Variants in ADAMTSL3 observed in about 807,000 individuals in gnomAD.
ADAMTSL3 encodes ADAMTS like 3, also known as ADAMTS-like protein 3.
In ADAMTSL3, 128 loss-of-function variants were observed where a neutral mutation model predicts 201.7. That is an observed-to-expected ratio of 0.63 (90% CI 0.55 to 0.73). ADAMTSL3 has a LOEUF of 0.73. Ranked by LOEUF, ADAMTSL3 falls within the 30% of genes least tolerant of loss-of-function variation. The probability of loss-of-function intolerance (pLI) is 0.00; values close to 1 mark genes in which losing one functional copy is unlikely to be tolerated. For missense variants in ADAMTSL3, 1,990 were observed against 2,119.6 expected (o/e 0.94, Z 1.20); for synonymous variants, 738 against 748.4 (o/e 0.99, Z 0.23).
chr15:83,775,343 C>CTT (rs200018009), intron 4 of ADAMTSL3, among the ~76,000 whole-genome samples: 3 of 142,994 alleles, frequency 2.1e-5, no homozygotes, highest in African/African-American at 7.7e-5. Context: ...TTGCATTGGT[C>CTT]TTTTTTTTTT....
chr15:84,018,831 T>A (rs1269775412), intron 25 of ADAMTSL3, among the ~76,000 whole-genome samples: 1 of 152,108 alleles, frequency 6.6e-6, no homozygotes, highest in Non-Finnish European at 1.5e-5. Context: ...TATGGCATGA[T>A]CTGCTTTTCA....
In ADAMTSL3 at chr15:83,963,414, C is replaced by T. The variant is rs142634525; in HGVS notation, c.2491-7070C>T. ...TGGGAAGTTCAAACTGGGTGGAGCCCACCACAGCTTGGCAAAGCCACTGTA... is the reference window on the plus strand; with the variant it reads ...TGGGAAGTTCAAACTGGGTGGAGCCTACCACAGCTTGGCAAAGCCACTGTA... On this transcript the variant is annotated intron_variant, in intron 19 of 29. Coordinates refer to ENST00000286744, the MANE Select transcript of ADAMTSL3 (RefSeq NM_207517.3). 2.1e-4 allele frequency among the ~76,000 whole-genome samples: 32 copies of T among 152,276 alleles called. No individual in the cohort carries two copies. The East Asian group carries it at 6.0e-3, about 28-fold the overall frequency.
chr15:83,871,079 C>T lies in ADAMTSL3; in HGVS notation c.960+120C>T, dbSNP rs2065072155. On this transcript the variant is annotated intron_variant, in intron 9 of 29. Transcript: ENST00000286744. ...ATTGTTTTTTATACAGAGCATGTGT[C>T]ATCAATATTTCCATCTTGGCAGTCC... The T allele has an allele frequency of 3.5e-6, 4 of 1,127,192 alleles. No individual in the cohort carries two copies. In the East Asian group the frequency reaches 1.0e-4, roughly 29 times the overall value. The allele number at this position is 1,127,192 out of a possible 1,614,324, so 69.8% of individuals were successfully genotyped here. A position where few individuals can be genotyped will look rare whatever the true frequency, so the allele number is the denominator to read the frequency against.
intron 8 of ADAMTSL3, among the ~76,000 whole-genome samples, chr15:83,865,289 G>A (rs2064951337): frequency 6.6e-6 from 1 of 152,260 alleles, no homozygotes; most frequent in East Asian, 1.9e-4. Context: ...GAACCAAAAA[G>A]AGCCCACATT....
At chr15:83,929,697 CACAGAGAGAG>C (rs1014741446) in intron 17 of ADAMTSL3, among the ~76,000 whole-genome samples, 22 of 150,860 alleles carry the variant, frequency 1.5e-4, no homozygotes, top group South Asian at 6.3e-4. Flanking sequence ...CACACACACA[CACAGAGAGAG>C]ACAGAGAGAG....
At chr15:84,023,517 C>T (rs1034942193) in intron 26 of ADAMTSL3, among the ~76,000 whole-genome samples, 1 of 152,170 alleles carries the variant, frequency 6.6e-6, no homozygotes, top group Non-Finnish European at 1.5e-5. Context: ...ACTGATAGGT[C>T]TTCCAGTACC....
chr15:83,944,195 A>G (rs1269631448), intron 19 of ADAMTSL3, among the ~76,000 whole-genome samples: 2 of 152,174 alleles, frequency 1.3e-5, no homozygotes, highest in Non-Finnish European at 2.9e-5. Context: ...ATAAGAAGGG[A>G]CTATTGTATA....
At chr15:83,820,225 C>A (rs2063840007) in intron 6 of ADAMTSL3, among the ~76,000 whole-genome samples, 178 bp downstream of exon 6, 1 of 152,142 alleles carries the variant, frequency 6.6e-6, no homozygotes, top group South Asian at 2.1e-4. Flanking sequence ...AATACAAATA[C>A]AAATTGTATT....
At chr15:83,673,082 G>T (rs917070013) in intron 2 of ADAMTSL3, among the ~76,000 whole-genome samples, 1 of 152,232 alleles carries the variant, frequency 6.6e-6, no homozygotes, top group Admixed American at 6.5e-5. Flanking sequence ...ATGGAGCAAA[G>T]AAGGAATGCA....
rs752611702 is a variant in ADAMTSL3 at position 84,025,348 on chromosome 15, C to G, written c.4568C>G (p.Ser1523Cys). The G allele has an allele frequency of 6.2e-7, 1 of 1,614,150 alleles. No individual in the cohort carries two copies. The highest frequency in any genetic ancestry group is 1.1e-5 in the South Asian group (1 of 91,070). ...GCCAATGGAACTGTGCAGGTGGTGT[C>G]TCCAAGAGCATGTGCCCCTAAAGAC... ...TKANGTVQVV[S>C]PRACAPKDRP... The change falls in exon 27 of 30, where the codon TCT (serine) becomes TGT (cysteine). Residue 1523 changes from serine to cysteine, a missense_variant. Ser to Cys is a moderately radical substitution (Grantham distance 112). Transcript: ENST00000286744.
In ADAMTSL3 at chr15:83,732,470, G is replaced by T. The variant is rs766849996; in HGVS notation, c.189+27962G>T. ...AGTAAAAGTGGGATTTAAAGGAACA[G>T]CTTGGAATGAATGGTATTCCTTAAA... On this transcript the variant is annotated intron_variant, in intron 3 of 29. Transcript: ENST00000286744. 2.2e-4 allele frequency among the ~76,000 whole-genome samples: 33 copies of T among 152,088 alleles called. 1 individual carries two copies. The highest frequency in any genetic ancestry group is 8.3e-4 in the South Asian group (4 of 4,826).
chr15:84,019,404 C>T lies in ADAMTSL3; in HGVS notation c.4274-2006C>T, dbSNP rs566571770. On this transcript the variant is annotated intron_variant, in intron 25 of 29. Coordinates refer to ENST00000286744, the MANE Select transcript of ADAMTSL3 (RefSeq NM_207517.3). ...GCAGTTTCACTCACAGGTATTTACC[C>T]GAAAAAAAAAATGTTCACAAAAAGC... 2.7e-5 allele frequency among the ~76,000 whole-genome samples: 4 copies of T among 150,064 alleles called. No individual in the cohort carries two copies. The East Asian group carries it at 5.8e-4, about 22-fold the overall frequency.
At chr15:83,767,296 A>C (rs1193292987) in intron 3 of ADAMTSL3, among the ~76,000 whole-genome samples, 1 of 152,174 alleles carries the variant, frequency 6.6e-6, no homozygotes, top group Non-Finnish European at 1.5e-5. Flanking sequence ...GTTATGTAGG[A>C]CAAGCTTGTT....
At chr15:83,798,665 G>C (rs2063468835) in intron 4 of ADAMTSL3, among the ~76,000 whole-genome samples, 1 of 152,028 alleles carries the variant, frequency 6.6e-6, no homozygotes, top group South Asian at 2.1e-4. Flanking sequence ...AATTAGCCAG[G>C]CGTGGTCAGT....
At chr15:83,658,866 C>CT (rs137976863) in intron 2 of ADAMTSL3, among the ~76,000 whole-genome samples, 8 of 152,162 alleles carry the variant, frequency 5.3e-5, no homozygotes, top group Admixed American at 6.6e-5. Flanking sequence ...CGTGCCCCCC[C>CT]TTTTTTTTCT....
intron 5 of ADAMTSL3, among the ~76,000 whole-genome samples, chr15:83,818,045 T>C (rs930512265): frequency 1.3e-5 from 2 of 152,154 alleles, no homozygotes; most frequent in Admixed American, 6.6e-5. Context: ...AATGAAGTTA[T>C]ATTTTATACT....
chr15:83,762,308 A>T (rs2062820411), intron 3 of ADAMTSL3, among the ~76,000 whole-genome samples: 1 of 152,324 alleles, frequency 6.6e-6, no homozygotes, highest in African/African-American at 2.4e-5. Context: ...ACTGGGCCTC[A>T]TGGAATGACA....
At chr15:83,800,695 AT>A (rs1242160020) in intron 4 of ADAMTSL3, among the ~76,000 whole-genome samples, 3 of 151,850 alleles carry the variant, frequency 2.0e-5, no homozygotes, top group Admixed American at 6.6e-5. Flanking sequence ...CAATTCAAAT[AT>A]TTTTTTTAAC....
chr15:83,858,730 C>T, intron 7 of ADAMTSL3, 36 bp from the exon 8 acceptor site: 10 of 1,546,622 alleles, frequency 6.5e-6, no homozygotes, highest in Non-Finnish European at 8.9e-6. Context: ...CTTTAGTGTA[C>T]TGGTTTTATT....
Sources: gnomAD v4.1 joint callset for allele counts (sites outside exome capture counted in the v4.1 genomes callset) on GRCh38, gnomAD v4.1.1 for gene constraint, MANE v1.5 for transcripts, NCBI Gene and HGNC (gene_info 2026-07-23, HGNC 2026-07-21) for gene names.